RNLS: variants seen among roughly 807,000 people sequenced by gnomAD.
The protein encoded by RNLS is renalase, FAD dependent amine oxidase, also known as renalase.
In RNLS, 39 loss-of-function variants were observed where a neutral mutation model predicts 39.8. The observed-to-expected ratio is 0.98, with a 90% CI of 0.76 to 1.28. The LOEUF (loss-of-function observed/expected upper bound fraction) is 1.28, where lower values mean the gene tolerates loss of function less well. Ranked by LOEUF, RNLS falls within the 50% of genes most tolerant of loss-of-function variation. The probability of loss-of-function intolerance (pLI) is 0.00; values close to 1 mark genes in which losing one functional copy is unlikely to be tolerated. For synonymous variants in RNLS, 147 were observed against 150.7 expected (o/e 0.98, Z 0.18); for missense variants, 410 against 413.3 (o/e 0.99, Z 0.07).
chr10:88,575,771 T>G lies in RNLS; in HGVS notation c.368-2710A>C, dbSNP rs145517823. Among the ~76,000 whole-genome samples the G allele has an allele frequency of 7.3e-3, 1,104 of 150,842 alleles. 18 individuals carry two copies. Among genetic ancestry groups the G allele is most frequent in the African/African-American group, 0.026 (1,059 of 40,872 alleles). On this transcript the variant is annotated intron_variant, in intron 3 of 6. Transcript: ENST00000331772. ...AGTAAATTTGACCATGTCCCTCTCTTGCATAAAACCCTTCAATGGCTTCCC... is the reference window on the plus strand; with the variant it reads ...AGTAAATTTGACCATGTCCCTCTCTGGCATAAAACCCTTCAATGGCTTCCC...
chr10:88,458,754 C>A (rs1385288595), intron 4 of RNLS, among the ~76,000 whole-genome samples: 2 of 152,056 alleles, frequency 1.3e-5, no homozygotes, highest in Non-Finnish European at 1.5e-5. Context: ...GGAAAAAAAA[C>A]CCATGATAAC....
chr10:88,371,085 A>G (rs1850524414), intron 4 of RNLS, among the ~76,000 whole-genome samples: 1 of 152,130 alleles, frequency 6.6e-6, no homozygotes. Flanking sequence ...TGTTTCTGAC[A>G]TTTATCTGTG....
intron 4 of RNLS, among the ~76,000 whole-genome samples, chr10:88,433,588 G>A (rs575225787): frequency 6.6e-6 from 1 of 152,074 alleles, no homozygotes; most frequent in South Asian, 2.1e-4. Flanking sequence ...AAATGTAAAT[G>A]ATTGTTCCTA....
At position 88,582,324 on chromosome 10, in the gene RNLS, G is replaced by A. The variant is rs1383344816; in HGVS notation, c.119-17C>T. On this transcript the variant is annotated splice_polypyrimidine_tract_variant and intron_variant, in intron 1 of 6. Coordinates refer to ENST00000331772, the MANE Select transcript of RNLS (RefSeq NM_001031709.3). ...TTCTTCCCCCTTGAATTAATCCACA[G>A]GAAAATGTCTTACTGCATGACAATG... is the stretch of plus-strand genomic sequence containing the variant. The A allele has an allele frequency of 1.3e-6, 2 of 1,598,754 alleles. No individual in the cohort carries two copies. The highest frequency in any genetic ancestry group is 1.7e-6 in the Non-Finnish European group (2 of 1,168,566).
At chr10:88,578,530 C>T (rs749362092) in intron 3 of RNLS, among the ~76,000 whole-genome samples, 2 of 151,600 alleles carry the variant, frequency 1.3e-5, no homozygotes, top group African/African-American at 2.4e-5. Flanking sequence ...GATAATAGAT[C>T]GGGGTAGAGG....
chr10:88,304,699 G>T (rs971596458), intron 6 of RNLS, among the ~76,000 whole-genome samples: 1 of 152,110 alleles, frequency 6.6e-6, no homozygotes, highest in Non-Finnish European at 1.5e-5. Context: ...TATGTAAAGA[G>T]ACCAAATCTA....
intron 4 of RNLS, among the ~76,000 whole-genome samples, chr10:88,539,700 A>G (rs1276223715): frequency 4.6e-5 from 7 of 152,150 alleles, no homozygotes; most frequent in Admixed American, 1.3e-4. Context: ...TTAACATGGG[A>G]TATCTAATAC....
the RNLS span, among the ~76,000 whole-genome samples, chr10:88,187,178 A>ATTATATATAAT: frequency 7.8e-6 from 1 of 127,440 alleles, no homozygotes; most frequent in Non-Finnish European, 1.7e-5. Context: ...ATATATATAT[A>ATTATATATAAT]ATATATATAA....
At chr10:88,563,307 C>CTA (rs1849293657) in intron 4 of RNLS, among the ~76,000 whole-genome samples, 1 of 152,052 alleles carries the variant, frequency 6.6e-6, no homozygotes, top group Non-Finnish European at 1.5e-5. Flanking sequence ...ATAACTGTTT[C>CTA]CATAGGAAAA....
At chr10:88,540,970 C>G (rs959004514) in intron 4 of RNLS, among the ~76,000 whole-genome samples, 3 of 144,338 alleles carry the variant, frequency 2.1e-5, no homozygotes, top group Non-Finnish European at 4.5e-5. Flanking sequence ...TTATGGTCAT[C>G]ATAAGTCCCT....
rs190269726 is a variant in RNLS at position 88,417,393 on chromosome 10, A to C, written c.527-54668T>G. 3.4e-3 allele frequency among the ~76,000 whole-genome samples: 514 copies of C among 152,340 alleles called. 3 individuals are homozygous for C. Among genetic ancestry groups the C allele is most frequent in the African/African-American group, 0.012 (486 of 41,590 alleles). ...CATATTTATGTTGGAATTTGGATTT[A>C]AAAGCCTTTGATTAATAAAGTGGTT... On this transcript the variant is annotated intron_variant, in intron 4 of 6. Transcript: ENST00000331772.
chr10:88,556,068 A>C (rs1848857199), intron 4 of RNLS, among the ~76,000 whole-genome samples: 1 of 152,062 alleles, frequency 6.6e-6, no homozygotes, highest in Non-Finnish European at 1.5e-5. Context: ...TCCAAGACCA[A>C]ATTTCTCTTC....
chr10:88,184,008 A>G, the RNLS span, among the ~76,000 whole-genome samples: 1 of 152,134 alleles, frequency 6.6e-6, no homozygotes, highest in East Asian at 1.9e-4. Context: ...AACACAGAGG[A>G]AAAAAGAGCT....
chr10:88,416,170 T>G (rs2133730299), intron 4 of RNLS, among the ~76,000 whole-genome samples: 1 of 151,270 alleles, frequency 6.6e-6, no homozygotes, highest in Non-Finnish European at 1.5e-5. Context: ...TGCTACCTGA[T>G]AACCTGACCT....
At chr10:88,208,001 C>T in the RNLS span, among the ~76,000 whole-genome samples, 11 of 152,124 alleles carry the variant, frequency 7.2e-5, no homozygotes, top group South Asian at 2.1e-4. Flanking sequence ...CTTCTCAGGC[C>T]GACACAGCCC....
chr10:88,567,564 C>A (rs1321576039), intron 4 of RNLS, among the ~76,000 whole-genome samples: 5 of 152,122 alleles, frequency 3.3e-5, no homozygotes, highest in Admixed American at 2.0e-4. Flanking sequence ...TTATTGCCAA[C>A]CTCCATGGCA....
intron 4 of RNLS, among the ~76,000 whole-genome samples, chr10:88,497,577 G>A (rs1348161464): frequency 6.6e-6 from 1 of 152,034 alleles, no homozygotes; most frequent in East Asian, 1.9e-4. Context: ...AAATGGGAAA[G>A]TCTTTTAACA....
At chr10:88,331,374 A>AT (rs750687461) in intron 5 of RNLS, among the ~76,000 whole-genome samples, 5 of 152,224 alleles carry the variant, frequency 3.3e-5, no homozygotes, top group Non-Finnish European at 7.3e-5. Flanking sequence ...GAAGACTTTA[A>AT]TGTTAGAGAC....
chr10:88,503,062 C>A (rs1375076561), intron 4 of RNLS, among the ~76,000 whole-genome samples: 1 of 152,106 alleles, frequency 6.6e-6, no homozygotes, highest in Non-Finnish European at 1.5e-5. Flanking sequence ...ACCCATGTCC[C>A]AACCCCAAAC....
Sources: allele counts gnomAD v4.1 joint callset (sites outside exome capture counted in the v4.1 genomes callset), GRCh38; gene constraint gnomAD v4.1.1; transcripts MANE v1.5; gene names NCBI Gene and HGNC (gene_info 2026-07-23, HGNC 2026-07-21).